Variants in DLG1 observed in about 807,000 individuals in gnomAD.
The protein encoded by DLG1 is discs large MAGUK scaffold protein 1, also known as disks large homolog 1.
In DLG1, 42 loss-of-function variants were observed where a neutral mutation model predicts 123.4. That is an observed-to-expected ratio of 0.34 (90% CI 0.27 to 0.44). DLG1 has a LOEUF of 0.44. Among genes scored for constraint, DLG1 ranks in the 20% least tolerant of loss-of-function variants. The pLI is 1.00. For synonymous variants in DLG1, 317 were observed against 356.2 expected, an observed-to-expected ratio of 0.89 and a Z score of 1.24; for missense variants, 942 against 1,082.6, an observed-to-expected ratio of 0.87 and a Z score of 1.82.
At chr3:197,214,491 T>C (rs905859286) in intron 4 of DLG1, among the ~76,000 whole-genome samples, 1 of 151,940 alleles carries the variant, frequency 6.6e-6, no homozygotes, top group Non-Finnish European at 1.5e-5. Context: ...GAGAATGGCG[T>C]GAACCCAGGA....
intron 4 of DLG1, among the ~76,000 whole-genome samples, chr3:197,201,359 G>T (rs769380534): frequency 1.1e-4 from 17 of 152,198 alleles, no homozygotes; most frequent in Non-Finnish European, 4.4e-5. Flanking sequence ...GCTCCAGCCT[G>T]GGCGACAGAG....
rs545387143 is a variant in DLG1 at position 197,124,435 on chromosome 3, C to T, written c.1166-4905G>A. Among the ~76,000 whole-genome samples the T allele has an allele frequency of 6.6e-5, 10 of 152,052 alleles. No individual in the cohort carries two copies. In the East Asian group the frequency reaches 1.2e-3, roughly 18 times the overall value. On this transcript the variant is annotated intron_variant, in intron 11 of 24. Coordinates refer to ENST00000667157, the MANE Select transcript of DLG1 (RefSeq NM_001366207.1). Reference sequence around the variant, plus strand: ...GACTGCAGGCACTTGCCACCATGCCCGGGTAATTTTTTGTAGTTTTAGTAG... The same window carrying T: ...GACTGCAGGCACTTGCCACCATGCCTGGGTAATTTTTTGTAGTTTTAGTAG...
intron 23 of DLG1, among the ~76,000 whole-genome samples, chr3:197,054,784 A>G (rs1730496642): frequency 6.6e-6 from 1 of 151,568 alleles, no homozygotes; most frequent in South Asian, 2.1e-4. Context: ...AGCTGGGACC[A>G]CAGGCTCGTG....
chr3:197,219,411 G>A (rs1391011972), intron 4 of DLG1, among the ~76,000 whole-genome samples: 1 of 152,232 alleles, frequency 6.6e-6, no homozygotes, highest in East Asian at 1.9e-4. Context: ...CCTAATTTAC[G>A]AATGCTCAGT....
chr3:197,295,306 T>C (rs999092614), intron 3 of DLG1, among the ~76,000 whole-genome samples: 1 of 152,312 alleles, frequency 6.6e-6, no homozygotes, highest in East Asian at 1.9e-4. Flanking sequence ...CATTTATCAA[T>C]AATGTACCTG....
Position 197,202,138 on chromosome 3 carries a change from T to C in DLG1, c.319-7549A>G, listed in dbSNP as rs1184440843. On this transcript the variant is annotated intron_variant, in intron 4 of 24. Transcript: ENST00000667157. ...CAAACCTGCACTTGTACCCCACGAT[T>C]ATATACAAATAAAACAAATGCATGA... Among the ~76,000 whole-genome samples the C allele has an allele frequency of 2.6e-5, 4 of 152,178 alleles. No homozygotes were observed. In the East Asian group the frequency reaches 7.7e-4, roughly 29 times the overall value.
chr3:197,047,912 A>G (rs901652484), intron 24 of DLG1, among the ~76,000 whole-genome samples: 7 of 152,008 alleles, frequency 4.6e-5, no homozygotes, highest in Non-Finnish European at 1.0e-4. Flanking sequence ...ATCAAGTGGG[A>G]TATTAAATAA....
At chr3:197,174,760 T>C (rs756644734) in intron 5 of DLG1, among the ~76,000 whole-genome samples, 23 of 152,210 alleles carry the variant, frequency 1.5e-4, no homozygotes, top group Non-Finnish European at 2.9e-4. Flanking sequence ...TTAATTTAAA[T>C]GCCAGTTTAT....
At chr3:197,141,772 G>A (rs1447599979) in intron 7 of DLG1, among the ~76,000 whole-genome samples, 1 of 152,062 alleles carries the variant, frequency 6.6e-6, no homozygotes, top group African/African-American at 2.4e-5. Context: ...ACCCAGGCTA[G>A]AGTGCGATCT....
At chr3:197,289,320 G>C (rs556045485) in intron 3 of DLG1, among the ~76,000 whole-genome samples, 3 of 147,014 alleles carry the variant, frequency 2.0e-5, no homozygotes, top group South Asian at 2.2e-4. Flanking sequence ...GAAGGTGGGG[G>C]GTGGCGTGTA....
Position 197,138,292 on chromosome 3 carries a change from G to A in DLG1, c.813C>T (p.Arg271=), listed in dbSNP as rs747525394. The A allele has an allele frequency of 1.1e-5, 17 of 1,603,276 alleles. No homozygotes were observed. In the South Asian group the frequency reaches 1.8e-4, roughly 17 times the overall value. Residue 271 remains arginine, a synonymous_variant, in exon 9 of 25, where the codon CGC becomes CGT. Transcript: ENST00000667157. ...EALKEAGSIV[R]LYVKRRKPVS... is the part of the protein sequence containing the mutation. ...CTGGTTTCCTTCTTTTTACATACAA[G>A]CGTACAATAGACCCTGCTTCTTTCA...
At chr3:197,183,680 T>G in intron 5 of DLG1, 3 of 1,550,594 alleles carry the variant, frequency 1.9e-6, no homozygotes, top group Non-Finnish European at 2.6e-6. Context: ...CAGCTTGCAG[T>G]TCATCTGACG....
At chr3:197,169,501 C>T (rs1803049551) in intron 5 of DLG1, among the ~76,000 whole-genome samples, 1 of 152,038 alleles carries the variant, frequency 6.6e-6, no homozygotes, top group Non-Finnish European at 1.5e-5. Context: ...TTAACACTCA[C>T]AATAGCCACT....
At chr3:197,243,514 A>C (rs764016056) in intron 4 of DLG1, among the ~76,000 whole-genome samples, 1 of 152,202 alleles carries the variant, frequency 6.6e-6, no homozygotes, top group Admixed American at 6.5e-5. Flanking sequence ...AGAAATCAGG[A>C]AAGTTTCAGT....
chr3:197,174,866 A>G (rs58575516), intron 5 of DLG1, among the ~76,000 whole-genome samples: 42,756 of 152,096 alleles, frequency 0.28, 6,416 homozygotes, highest in Middle Eastern at 0.38. Flanking sequence ...AAACAACACA[A>G]ATTGTAAAGC....
intron 13 of DLG1, among the ~76,000 whole-genome samples, chr3:197,106,281 CT>C (rs1352243765): frequency 6.6e-6 from 1 of 152,084 alleles, no homozygotes; most frequent in Non-Finnish European, 1.5e-5. Flanking sequence ...TGGTGTGTGC[CT>C]GTAGTCCCAG....
intron 4 of DLG1, among the ~76,000 whole-genome samples, chr3:197,282,333 A>C (rs1579312400): frequency 6.6e-6 from 1 of 152,192 alleles, no homozygotes; most frequent in East Asian, 1.9e-4. Context: ...TCCTATTTCT[A>C]GGAAAGAATA....
chr3:197,290,221 CTT>C (rs1774164603), intron 3 of DLG1, among the ~76,000 whole-genome samples: 1 of 152,102 alleles, frequency 6.6e-6, no homozygotes, highest in African/African-American at 2.4e-5. Flanking sequence ...AAGGAAGGCT[CTT>C]GTTTAGAATA....
intron 5 of DLG1, among the ~76,000 whole-genome samples, chr3:197,190,166 T>C (rs1027202926): frequency 1.3e-5 from 2 of 152,214 alleles, no homozygotes; most frequent in Admixed American, 1.3e-4. Flanking sequence ...AAAGTATGAA[T>C]GCTTTCTCTC....
Sources: allele counts gnomAD v4.1 joint callset (sites outside exome capture counted in the v4.1 genomes callset), GRCh38; gene constraint gnomAD v4.1.1; transcripts MANE v1.5; gene names NCBI Gene and HGNC (gene_info 2026-07-23, HGNC 2026-07-21).